LIMCH1: variants seen among roughly 807,000 people sequenced by gnomAD.
LIMCH1 encodes LIM and calponin homology domains 1, also known as LIM and calponin homology domains-containing protein 1.
In LIMCH1, 113 loss-of-function variants were observed where a neutral mutation model predicts 176.5. That is an observed-to-expected ratio of 0.64 (90% CI 0.55 to 0.75). LIMCH1 has a LOEUF of 0.75. Among genes scored for constraint, LIMCH1 ranks in the 30% least tolerant of loss-of-function variants. LIMCH1 has a pLI of 0.00. For missense variants in LIMCH1, 1,674 were observed against 1,814.9 expected (o/e 0.92, Z 1.41); for synonymous variants, 619 against 645.9 (o/e 0.96, Z 0.63).
At chr4:41,595,698 C>T (rs1561865194) in intron 1 of LIMCH1, among the ~76,000 whole-genome samples, 1 of 152,172 alleles carries the variant, frequency 6.6e-6, no homozygotes, top group East Asian at 1.9e-4. Flanking sequence ...CTGATATCTA[C>T]AGCCTTCACC....
upstream of LIMCH1, among the ~76,000 whole-genome samples, chr4:41,534,491 G>C (rs1323301800): frequency 6.6e-6 from 1 of 152,182 alleles, no homozygotes; most frequent in African/African-American, 2.4e-5. Context: ...GGGAACATGG[G>C]AATGAGAAAT....
chr4:41,583,673 GA>G (rs538190942), intron 1 of LIMCH1, among the ~76,000 whole-genome samples: 9 of 151,674 alleles, frequency 5.9e-5, no homozygotes, highest in Non-Finnish European at 1.3e-4. Context: ...GAATTACATA[GA>G]AAAAAATTGG....
At chr4:41,695,888 T>C (rs1730264087) in intron 31 of LIMCH1, among the ~76,000 whole-genome samples, 1 of 151,880 alleles carries the variant, frequency 6.6e-6, no homozygotes, top group South Asian at 2.1e-4. Flanking sequence ...GTCAAATATA[T>C]CCAAGATGCA....
chr4:41,466,022 G>C (rs555142901), intron 1 of LIMCH1, among the ~76,000 whole-genome samples: 1 of 144,728 alleles, frequency 6.9e-6, no homozygotes, highest in Non-Finnish European at 1.5e-5. Context: ...GCAGTGGCAC[G>C]ATCTGGGCTC....
intron 19 of LIMCH1, 136 bp from the exon 20 acceptor site, chr4:41,662,685 G>A (rs376634463): frequency 1.5e-5 from 13 of 889,902 alleles, no homozygotes; most frequent in Non-Finnish European, 2.1e-5. Context: ...ATATCTCTGA[G>A]CACACTGTCA....
At chr4:41,469,775 G>A (rs1249775353) in intron 1 of LIMCH1, among the ~76,000 whole-genome samples, 1 of 151,698 alleles carries the variant, frequency 6.6e-6, no homozygotes. Flanking sequence ...TCTGCCTCCC[G>A]GGTTCAAGCA....
At chr4:41,685,633 C>T (rs550014161) in intron 27 of LIMCH1, 77 bp from the exon 28 acceptor site, 5 of 1,576,056 alleles carry the variant, frequency 3.2e-6, no homozygotes, top group Non-Finnish European at 4.3e-6. Flanking sequence ...GGCATTAGCA[C>T]TTTAAAGAAA....
intron 1 of LIMCH1, among the ~76,000 whole-genome samples, chr4:41,485,886 T>C (rs769821305): frequency 1.3e-5 from 2 of 152,106 alleles, no homozygotes; most frequent in Non-Finnish European, 2.9e-5. Context: ...AGGTGTAAGA[T>C]GACAGTGGCT....
At chr4:41,633,892 G>C in intron 13 of LIMCH1, 84 bp downstream of exon 13, 1 of 1,393,390 alleles carries the variant, frequency 7.2e-7, no homozygotes, top group Middle Eastern at 1.8e-4. Flanking sequence ...TGGCACCTCA[G>C]TGCCGCTTAC....
At chr4:41,628,734 C>A (rs1225592817) in intron 8 of LIMCH1, among the ~76,000 whole-genome samples, 1 of 152,074 alleles carries the variant, frequency 6.6e-6, no homozygotes, top group African/African-American at 2.4e-5. Flanking sequence ...GCAGTTTTGT[C>A]AACATTAGCC....
At chr4:41,494,724 T>A in intron 2 of LIMCH1, 1 of 683,210 alleles carries the variant, frequency 1.5e-6, no homozygotes, top group Non-Finnish European at 2.4e-6. Context: ...AATCTGAAAC[T>A]CAAAAAATCC....
chr4:41,493,401 A>G (rs1005700320), intron 1 of LIMCH1, among the ~76,000 whole-genome samples: 1 of 151,884 alleles, frequency 6.6e-6, no homozygotes, highest in Non-Finnish European at 1.5e-5. Flanking sequence ...AGGCTTCCGT[A>G]TCCATGAGTT....
chr4:41,570,773 A>G lies in LIMCH1; in HGVS notation c.-240-28147A>G, dbSNP rs1037740215. Among the ~76,000 whole-genome samples the G allele has an allele frequency of 4.6e-5, 7 of 152,018 alleles. No individual in the cohort carries two copies. The South Asian group carries it at 1.5e-3, about 32-fold the overall frequency. ...CAACAAAAATAGACTGATGAGAGTT[A>G]TTGGCCATGGGGTGTGACTTGGAGA... On this transcript the variant is annotated intron_variant, in intron 1 of 31. Coordinates refer to ENST00000503057, the MANE Select transcript of LIMCH1 (RefSeq NM_001330672.2).
At chr4:41,373,617 A>C (rs1376174051) in intron 1 of LIMCH1, among the ~76,000 whole-genome samples, 2 of 152,194 alleles carry the variant, frequency 1.3e-5, no homozygotes, top group Non-Finnish European at 2.9e-5. Flanking sequence ...GCTAGCTACA[A>C]ACTCTTATTA....
intron 1 of LIMCH1, among the ~76,000 whole-genome samples, chr4:41,597,570 A>T (rs564562945): frequency 1.3e-5 from 2 of 152,306 alleles, no homozygotes; most frequent in South Asian, 4.2e-4. Context: ...CAGGACTGAA[A>T]CTAAAGTGTT....
intron 1 of LIMCH1, among the ~76,000 whole-genome samples, chr4:41,569,565 A>G (rs774973369): frequency 3.3e-5 from 5 of 152,158 alleles, no homozygotes; most frequent in Non-Finnish European, 7.3e-5. Flanking sequence ...GTCAATTAGG[A>G]GATGAGGCAC....
intron 1 of LIMCH1, among the ~76,000 whole-genome samples, chr4:41,587,248 C>G (rs1016809702): frequency 2.0e-5 from 3 of 152,216 alleles, no homozygotes; most frequent in Non-Finnish European, 4.4e-5. Context: ...ATAGTTTTGT[C>G]TGCCCTAGGG....
At chr4:41,657,298 T>C (rs1456457526) in intron 18 of LIMCH1, among the ~76,000 whole-genome samples, 1 of 152,214 alleles carries the variant, frequency 6.6e-6, no homozygotes, top group Non-Finnish European at 1.5e-5. Context: ...AGAAAACACA[T>C]TTTTCCATCA....
intron 1 of LIMCH1, among the ~76,000 whole-genome samples, chr4:41,578,187 G>A (rs1381138560): frequency 6.6e-6 from 1 of 152,116 alleles, no homozygotes; most frequent in African/African-American, 2.4e-5. Flanking sequence ...GGAAGCCTCA[G>A]GAAACTTACA....
Sources: allele counts gnomAD v4.1 joint callset (sites outside exome capture counted in the v4.1 genomes callset), GRCh38; gene constraint gnomAD v4.1.1; transcripts MANE v1.5; gene names NCBI Gene and HGNC (gene_info 2026-07-23, HGNC 2026-07-21).